The following ABCA1 variants were observed in gnomAD, a reference collection of about 807,000 sequenced individuals.
ABCA1 encodes phospholipid-transporting ATPase ABCA1.
ABCA1 carries 133 observed loss-of-function variants against 262.5 expected under a neutral mutation model. The ratio of observed to expected loss-of-function variants is 0.51; its 90% confidence interval spans 0.44 to 0.59. ABCA1 has a LOEUF of 0.59. Among genes scored for constraint, ABCA1 ranks in the 20% least tolerant of loss-of-function variants. The pLI is 0.00. For missense variants in ABCA1, 2,452 were observed against 2,777.5 expected, an observed-to-expected ratio of 0.88 and a Z score of 2.63; for synonymous variants, 1,022 against 1,043.5, an observed-to-expected ratio of 0.98 and a Z score of 0.40.
chr9:104,883,923 C>CT (rs920411623), intron 4 of ABCA1, among the ~76,000 whole-genome samples: 22 of 152,248 alleles, frequency 1.4e-4, no homozygotes, highest in African/African-American at 4.6e-4. Flanking sequence ...CAGCATCCTG[C>CT]TTTGCTCAGG....
rs1350861749 is a variant in ABCA1, at chr9:104,810,822, T to C, written c.4153A>G (p.Asn1385Asp). ...PSLELQPWMY[N>D]EQYTFVSNDA... ...TACCTGACAAATGTGTACTGTTCGT[T>C]GTACATCCAGGGCTGAAGTTCCAGG... The change falls in exon 29 of 50, where the codon AAC (asparagine) becomes GAC (aspartate). Residue 1385 changes from asparagine to aspartate, a missense_variant. By Grantham distance (23) the Asn-to-Asp change is conservative (BLOSUM62 1). Coordinates refer to ENST00000374736, the MANE Select transcript of ABCA1 (RefSeq NM_005502.4). 1.2e-6 allele frequency: 2 copies of C among 1,614,224 alleles called. No homozygotes were observed. The highest frequency in any genetic ancestry group is 1.7e-6 in the Non-Finnish European group (2 of 1,180,040).
intron 1 of ABCA1, among the ~76,000 whole-genome samples, chr9:104,923,000 A>G (rs895828344): frequency 6.6e-6 from 1 of 152,214 alleles, no homozygotes; most frequent in African/African-American, 2.4e-5. Context: ...TACAACAATG[A>G]GCCAGTGCAC....
intron 19 of ABCA1, 80 bp downstream of exon 19, chr9:104,822,416 G>A (rs1260216900): frequency 6.3e-7 from 1 of 1,575,026 alleles, no homozygotes; most frequent in African/African-American, 1.3e-5. Context: ...GATCAGCATG[G>A]TTTCCTAAGG....
rs770557708 is a variant in ABCA1 at position 104,817,301 on chromosome 9, C to A, written c.3535+31G>T. The A allele has an allele frequency of 6.2e-7, 1 of 1,614,118 alleles. No individual in the cohort carries two copies. Among genetic ancestry groups the A allele is most frequent in the Non-Finnish European group, 8.5e-7 (1 of 1,180,010 alleles). On this transcript the variant is annotated intron_variant, in intron 24 of 49. Transcript: ENST00000374736. This position sits in a 1 kb window ranked among gnomAD's most constrained non-coding sequence, Gnocchi z 4.7. Reference sequence around the variant, plus strand: ...TGCCCAGCTGGGGGAAGCTCAGGCACCACCTGAATAAGAAACCCCAGAGTC... The same window carrying A: ...TGCCCAGCTGGGGGAAGCTCAGGCAACACCTGAATAAGAAACCCCAGAGTC...
intron 5 of ABCA1, among the ~76,000 whole-genome samples, chr9:104,874,991 ACCC>A (rs1486939757): frequency 1.3e-5 from 2 of 152,028 alleles, no homozygotes; most frequent in Admixed American, 6.5e-5. Flanking sequence ...TGGGAGGTGT[ACCC>A]AGCAGCTCAT....
intron 8 of ABCA1, among the ~76,000 whole-genome samples, chr9:104,842,743 C>CT (rs1834495169): frequency 6.6e-6 from 1 of 152,088 alleles, no homozygotes; most frequent in Non-Finnish European, 1.5e-5. Flanking sequence ...TCCTCCCTTT[C>CT]CCCCATCCCA....
At chr9:104,857,074 G>A (rs887486749) in intron 7 of ABCA1, among the ~76,000 whole-genome samples, 3 of 152,152 alleles carry the variant, frequency 2.0e-5, no homozygotes, top group African/African-American at 7.2e-5. Flanking sequence ...GGAGGCCGAG[G>A]TGGGCAGATC....
chr9:104,855,541 A>T (rs778025237), intron 7 of ABCA1: 15 of 942,802 alleles, frequency 1.6e-5, no homozygotes, highest in Middle Eastern at 3.5e-4. Context: ...TTTCAAGGAC[A>T]TAATTTCTAC....
intron 1 of ABCA1, among the ~76,000 whole-genome samples, chr9:104,920,494 T>C (rs1009659131): frequency 3.9e-5 from 6 of 152,256 alleles, no homozygotes; most frequent in Admixed American, 1.3e-4. Flanking sequence ...CAATTTGATG[T>C]GGAAGTAAAC....
At chr9:104,905,603 A>T (rs1281334456) in intron 1 of ABCA1, among the ~76,000 whole-genome samples, 1 of 152,238 alleles carries the variant, frequency 6.6e-6, no homozygotes, top group Non-Finnish European at 1.5e-5. Flanking sequence ...GCACTGCATC[A>T]GTTTGTTCAA....
chr9:104,904,548 G>C (rs1189591090), intron 1 of ABCA1, among the ~76,000 whole-genome samples: 1 of 146,308 alleles, frequency 6.8e-6, no homozygotes, highest in African/African-American at 2.5e-5. Context: ...CATGGCGACA[G>C]AGCGAGACTC....
intron 1 of ABCA1, among the ~76,000 whole-genome samples, chr9:104,924,620 A>G (rs1470431680): frequency 6.7e-6 from 1 of 149,878 alleles, no homozygotes; most frequent in Non-Finnish European, 1.5e-5. Flanking sequence ...AGAAAAAAAA[A>G]AAAAAGAAAA....
intron 2 of ABCA1, 129 bp from the exon 3 acceptor site, chr9:104,889,324 C>T (rs1839499866): frequency 6.5e-7 from 1 of 1,533,682 alleles, no homozygotes; most frequent in Non-Finnish European, 8.8e-7. Flanking sequence ...TCTCCCACCA[C>T]TCTCTAAGCT....
chr9:104,787,335 T>C (rs1829017667), intron 46 of ABCA1, among the ~76,000 whole-genome samples: 1 of 152,284 alleles, frequency 6.6e-6, no homozygotes, highest in East Asian at 1.9e-4. Flanking sequence ...CAGTATAAGA[T>C]TGGGGTGAAA....
intron 17 of ABCA1, 53 bp downstream of exon 17, chr9:104,825,630 A>C (rs1832747898): frequency 6.4e-7 from 1 of 1,566,740 alleles, no homozygotes; most frequent in Non-Finnish European, 8.8e-7. Flanking sequence ...AGCACAAAGA[A>C]AGGACATCAG....
At chr9:104,834,432 C>T (rs139528462) in intron 11 of ABCA1, among the ~76,000 whole-genome samples, 6 of 149,478 alleles carry the variant, frequency 4.0e-5, no homozygotes, top group Non-Finnish European at 5.9e-5. Context: ...ATAACAGACA[C>T]AAAATTGTAC....
rs911739035 is a variant in ABCA1 at position 104,889,357 on chromosome 9, C to T, written c.67-162G>A. On this transcript the variant is annotated intron_variant, in intron 2 of 49. Coordinates refer to ENST00000374736, the MANE Select transcript of ABCA1 (RefSeq NM_005502.4). ...GCTTTAACAGAACTGTTTGGAGTCCCAACCTTTTAACATACCATTCCATAT... is the reference window on the plus strand; with the variant it reads ...GCTTTAACAGAACTGTTTGGAGTCCTAACCTTTTAACATACCATTCCATAT... 12 of 985,006 alleles carry T rather than the reference C, an allele frequency of 1.2e-5. No homozygotes were observed. In the African/African-American group the frequency reaches 2.1e-4, roughly 17 times the overall value. 61.0% of individuals were successfully genotyped at this position (985,006 alleles called of 1,614,324 possible).
At chr9:104,784,658 C>A (rs555709910) in intron 49 of ABCA1, among the ~76,000 whole-genome samples, 59 of 152,078 alleles carry the variant, frequency 3.9e-4, no homozygotes, top group Non-Finnish European at 7.8e-4. Flanking sequence ...TTTTTTTCCC[C>A]CCTTGAAATG....
intron 14 of ABCA1, among the ~76,000 whole-genome samples, chr9:104,829,583 T>C (rs558197733): frequency 4.6e-5 from 7 of 152,268 alleles, no homozygotes; most frequent in Admixed American, 2.6e-4. Context: ...CAAGCTAGAA[T>C]AGAAAATGCA....
Sources: gnomAD v4.1 joint callset for allele counts (sites outside exome capture counted in the v4.1 genomes callset) on GRCh38, gnomAD v4.1.1 for gene constraint, Gnocchi (gnomAD v3.1) non-coding constraint, MANE v1.5 for transcripts, NCBI Gene and HGNC (gene_info 2026-07-23, HGNC 2026-07-21) for gene names.